Variants in SLC23A2 observed in about 807,000 individuals in gnomAD.
SLC23A2 encodes the protein Na(+)/L-ascorbic acid transporter 2.
SLC23A2 carries 36 observed loss-of-function variants against 73.3 expected under a neutral mutation model. That is an observed-to-expected ratio of 0.49 (90% CI 0.38 to 0.65). SLC23A2 has a LOEUF of 0.65. Among genes scored for constraint, SLC23A2 ranks in the 30% least tolerant of loss-of-function variants. The pLI is 0.00. For synonymous variants in SLC23A2, 343 were observed against 327.3 expected, an observed-to-expected ratio of 1.05 and a Z score of -0.52; for missense variants, 507 against 841.6, an observed-to-expected ratio of 0.60 and a Z score of 4.92.
intron 2 of SLC23A2, among the ~76,000 whole-genome samples, chr20:4,945,001 CA>C (rs201461959): frequency 0.2 from 22,091 of 113,210 alleles, 2,717 homozygotes; most frequent in African/African-American, 0.41. Flanking sequence ...TCTGAATTCT[CA>C]AAAAAAAAAA....
At chr20:4,934,531 C>A (rs572553580) in intron 2 of SLC23A2, among the ~76,000 whole-genome samples, 1 of 152,218 alleles carries the variant, frequency 6.6e-6, no homozygotes, top group East Asian at 1.9e-4. Context: ...CACACAGAAG[C>A]ACGTCTATGG....
At chr20:5,003,443 G>A (rs930849288), upstream of SLC23A2, among the ~76,000 whole-genome samples, 3 of 151,178 alleles carry the variant, frequency 2.0e-5, no homozygotes, top group East Asian at 3.9e-4. Flanking sequence ...CCAGCACCCA[G>A]AGAAAAACTC....
intron 1 of SLC23A2, among the ~76,000 whole-genome samples, chr20:4,980,014 A>G (rs1422849165): frequency 6.6e-6 from 1 of 152,204 alleles, no homozygotes; most frequent in Non-Finnish European, 1.5e-5. Context: ...CAAAATATAA[A>G]TGGCCAAAAG....
At chr20:4,982,934 T>C (rs1321797703) in intron 1 of SLC23A2, among the ~76,000 whole-genome samples, 1 of 151,908 alleles carries the variant, frequency 6.6e-6, no homozygotes, top group East Asian at 1.9e-4. Flanking sequence ...GGAGAAACCC[T>C]GTCTCTACTA....
chr20:4,957,593 A>G (rs528895394), intron 2 of SLC23A2, among the ~76,000 whole-genome samples: 3 of 151,678 alleles, frequency 2.0e-5, no homozygotes, highest in East Asian at 1.9e-4. Flanking sequence ...AAAAAAAAAA[A>G]AAAAGAAAAG....
chr20:5,007,361 T>C (rs1295354278), intron 1 of SLC23A2, among the ~76,000 whole-genome samples: 1 of 152,038 alleles, frequency 6.6e-6, no homozygotes, highest in Non-Finnish European at 1.5e-5. Flanking sequence ...TGAAACCCTG[T>C]CTCTACTAAA....
upstream of SLC23A2, among the ~76,000 whole-genome samples, chr20:5,003,832 T>G (rs1453892097): frequency 6.6e-6 from 1 of 152,144 alleles, no homozygotes. Context: ...TCTGTGACCT[T>G]CTAATTGCCA....
chr20:4,912,412 G>A (rs922442150), intron 4 of SLC23A2, among the ~76,000 whole-genome samples: 5 of 151,964 alleles, frequency 3.3e-5, no homozygotes, highest in Non-Finnish European at 5.9e-5. Context: ...TAACAGGCAC[G>A]ATGCTAATAA....
chr20:4,920,838 G>A (rs763622693), intron 3 of SLC23A2, among the ~76,000 whole-genome samples: 45 of 152,064 alleles, frequency 3.0e-4, no homozygotes, highest in Non-Finnish European at 4.7e-4. Context: ...CTGGTGGTGC[G>A]GCTGGTTCTC....
chr20:4,867,854 G>T lies in SLC23A2; in HGVS notation c.1272C>A (p.Leu424=), dbSNP rs756473711. 1 of 1,607,946 alleles carries T rather than the reference G, an allele frequency of 6.2e-7. No individual in the cohort carries two copies. Among genetic ancestry groups the T allele is most frequent in the South Asian group, 1.1e-5 (1 of 90,926 alleles). ...AINRGIFVEG[L]SCVLDGIFGT... is the part of the protein sequence containing the mutation. Reference sequence around the variant, plus strand: ...CAAATATGCCATCAAGAACACAGGAGAGGCCTTCCACGAAAATTCCCCTAA... The same window carrying T: ...CAAATATGCCATCAAGAACACAGGATAGGCCTTCCACGAAAATTCCCCTAA... Residue 424 remains leucine, a synonymous_variant, in exon 13 of 17, where the codon CTC becomes CTA. Coordinates refer to ENST00000338244, the MANE Select transcript of SLC23A2 (RefSeq NM_005116.6).
chr20:4,978,585 T>C (rs548611318), intron 1 of SLC23A2, among the ~76,000 whole-genome samples: 2 of 152,200 alleles, frequency 1.3e-5, no homozygotes, highest in East Asian at 1.9e-4. Flanking sequence ...TGGCCCCCCA[T>C]TGGCAATGGA....
upstream of SLC23A2, among the ~76,000 whole-genome samples, chr20:5,004,954 G>T (rs1243885353): frequency 1.3e-5 from 2 of 151,748 alleles, no homozygotes; most frequent in Non-Finnish European, 2.9e-5. Flanking sequence ...AGCCGAGATT[G>T]TGCCATTGCA....
At chr20:5,000,466 C>T (rs949662734) in intron 1 of SLC23A2, among the ~76,000 whole-genome samples, 1 of 152,120 alleles carries the variant, frequency 6.6e-6, no homozygotes, top group Non-Finnish European at 1.5e-5. Context: ...GCCTTCTCTG[C>T]GCGCAGATGA....
At chr20:4,897,482 T>C (rs1036422699) in intron 6 of SLC23A2, among the ~76,000 whole-genome samples, 22 of 152,188 alleles carry the variant, frequency 1.4e-4, no homozygotes, top group African/African-American at 5.3e-4. Context: ...CTTGTGGGCA[T>C]GGGGCGCACA....
intron 4 of SLC23A2, among the ~76,000 whole-genome samples, chr20:4,911,615 G>A (rs1039950606): frequency 6.6e-6 from 1 of 151,910 alleles, no homozygotes; most frequent in African/African-American, 2.4e-5. Flanking sequence ...TACATAAATT[G>A]TTTAGTTTCT....
chr20:4,926,018 T>C (rs1283238050), intron 3 of SLC23A2, among the ~76,000 whole-genome samples: 1 of 152,210 alleles, frequency 6.6e-6, no homozygotes, highest in Non-Finnish European at 1.5e-5. Flanking sequence ...TTACCAGGTA[T>C]GTGCACCAGA....
At chr20:4,886,473 TAATCATAAAAATACTTA>T (rs1047562520) in intron 6 of SLC23A2, among the ~76,000 whole-genome samples, 7 of 152,186 alleles carry the variant, frequency 4.6e-5, no homozygotes, top group African/African-American at 1.7e-4. Context: ...ATATTCTGCT[TAATCATAAAAATACTTA>T]AAGACATTCT....
intron 12 of SLC23A2, chr20:4,869,556 CACA>C (rs796188782): frequency 2.3e-5 from 5 of 222,000 alleles, no homozygotes; most frequent in African/African-American, 4.6e-5. Context: ...CACACACACA[CACA>C]CCCCAAAAAA....
chr20:4,979,582 T>C (rs1304178141), intron 1 of SLC23A2, among the ~76,000 whole-genome samples: 1 of 152,094 alleles, frequency 6.6e-6, no homozygotes, highest in Non-Finnish European at 1.5e-5. Flanking sequence ...TATTAAAATA[T>C]AGAGACAATA....
Sources: gnomAD v4.1 joint callset for allele counts (sites outside exome capture counted in the v4.1 genomes callset) on GRCh38, gnomAD v4.1.1 for gene constraint, MANE v1.5 for transcripts, NCBI Gene and HGNC (gene_info 2026-07-23, HGNC 2026-07-21) for gene names.